MTA3: variants seen among roughly 807,000 people sequenced by gnomAD.
The protein encoded by MTA3 is metastasis-associated protein MTA3.
Under a neutral mutation model 83.5 loss-of-function variants are expected in MTA3, and 34 were observed. The observed-to-expected ratio is 0.41, with a 90% CI of 0.31 to 0.54. The LOEUF (loss-of-function observed/expected upper bound fraction) is 0.54. Ranked by LOEUF, MTA3 falls within the 20% of genes least tolerant of loss-of-function variation. The pLI, the probability that MTA3 is intolerant of heterozygous loss-of-function variation, is 0.33. For synonymous variants in MTA3, 303 were observed against 252.7 expected (o/e 1.20, Z -1.89); for missense variants, 761 against 726.4 (o/e 1.05, Z -0.55).
At chr2:42,714,552 C>G (rs1666889989) in intron 14 of MTA3, among the ~76,000 whole-genome samples, 1 of 152,078 alleles carries the variant, frequency 6.6e-6, no homozygotes, top group South Asian at 2.1e-4. Context: ...CTCACTGCCC[C>G]CAGTATTTCC....
chr2:42,567,037 G>A (rs951684838), upstream of MTA3, among the ~76,000 whole-genome samples: 1 of 152,216 alleles, frequency 6.6e-6, no homozygotes, highest in Admixed American at 6.5e-5. Flanking sequence ...TATGCAATGT[G>A]TGGAACAGAA....
chr2:42,502,917 G>A lies in MTA3; in HGVS notation c.-141+7663G>A, dbSNP rs574326879. Among the ~76,000 whole-genome samples, 921 of 151,078 alleles carry A rather than the reference G, an allele frequency of 6.1e-3. 8 individuals are homozygous for A. Among genetic ancestry groups the A allele is most frequent in the Non-Finnish European group, 8.7e-3 (589 of 67,850 alleles). On this transcript the variant is annotated intron_variant, in intron 2 of 17. Coordinates refer to the MTA3 transcript ENST00000405592. Reference sequence around the variant, plus strand: ...ACAGAGGTTGCAGTGAGCTGAGATCGCACCACTGCAGTCCAGCCTGGGAGA... The same window carrying A: ...ACAGAGGTTGCAGTGAGCTGAGATCACACCACTGCAGTCCAGCCTGGGAGA...
rs1243139396 is a variant in MTA3, at chr2:42,709,359, C to T, written c.1525+263C>T. 7 of 1,229,232 alleles carry T rather than the reference C, an allele frequency of 5.7e-6. No individual in the cohort carries two copies. In the African/African-American group the frequency reaches 1.1e-4, roughly 19 times the overall value. The allele number at this position is 1,229,232 out of a possible 1,614,324, so 76.1% of individuals were successfully genotyped here. A position where few individuals can be genotyped will look rare whatever the true frequency, so the allele number is the denominator to read the frequency against. ...TAGCAAAAGATTGGTGGGAGGTGAT[C>T]CTATTCCATGGGGTTTTGTGATGGA... On this transcript the variant is annotated intron_variant, in intron 14 of 16. Coordinates refer to ENST00000405094, the MANE Select transcript of MTA3 (RefSeq NM_001330442.2).
chr2:42,514,682 C>CTTTTTTTTTTTTTTTTTTTTTTTTTTT (rs767598363), intron 2 of MTA3, among the ~76,000 whole-genome samples: 4 of 53,492 alleles, frequency 7.5e-5, no homozygotes, highest in Non-Finnish European at 9.2e-5. Flanking sequence ...CGCCCAGCCC[C>CTTTTTTTTTTTTTTTTTTTTTTTTTTT]TTTTTTTTTT....
chr2:42,583,931 C>T (rs1043665839), intron 3 of MTA3, among the ~76,000 whole-genome samples: 3 of 151,844 alleles, frequency 2.0e-5, no homozygotes, highest in Non-Finnish European at 4.4e-5. Context: ...GTAACCTCCA[C>T]CTCCCAGGTT....
At chr2:42,599,568 C>T (rs369079641) in intron 3 of MTA3, among the ~76,000 whole-genome samples, 7 of 151,520 alleles carry the variant, frequency 4.6e-5, no homozygotes, top group East Asian at 3.9e-4. Context: ...CCAGCCCGGG[C>T]GACAGTGTGA....
chr2:42,650,411 A>G (rs1573474176), intron 6 of MTA3, among the ~76,000 whole-genome samples: 1 of 152,008 alleles, frequency 6.6e-6, no homozygotes, highest in African/African-American at 2.4e-5. Context: ...ATTTCTGTAC[A>G]TTTGATTGTG....
At chr2:42,508,639 T>G (rs902449966) in intron 2 of MTA3, among the ~76,000 whole-genome samples, 3 of 151,650 alleles carry the variant, frequency 2.0e-5, no homozygotes, top group Non-Finnish European at 4.4e-5. Context: ...AGCCTAGACT[T>G]TGAATGATTA....
intron 15 of MTA3, among the ~76,000 whole-genome samples, chr2:42,722,277 T>A (rs1042228102): frequency 2.0e-5 from 3 of 152,236 alleles, no homozygotes; most frequent in African/African-American, 4.8e-5. Context: ...AACATGCATA[T>A]ACCACAGGCA....
chr2:42,697,649 G>GA, intron 10 of MTA3, 127 bp from the exon 11 acceptor site: 1 of 652,556 alleles, frequency 1.5e-6, no homozygotes, highest in Non-Finnish European at 2.6e-6. Flanking sequence ...GCATATGAAA[G>GA]AAAAGCTTAA....
intron 2 of MTA3, among the ~76,000 whole-genome samples, chr2:42,574,837 G>C (rs1678872955): frequency 6.6e-6 from 1 of 152,180 alleles, no homozygotes; most frequent in South Asian, 2.1e-4. Context: ...GGGATTACAG[G>C]CTGACTGCCT....
rs368881315 is a variant in MTA3 at position 42,609,484 on chromosome 2, A to G, written c.217A>G (p.Thr73Ala). ...AGAAATTGAGGAAGAATCTGAAACA[A>G]CAGTTGAGGCTGACTTGACCGATAA... ...AKEIEEESET[T>A]VEADLTDKQK... The change falls in exon 4 of 17, where the codon ACA becomes GCA. Residue 73 changes from threonine (T) to alanine (A), a missense_variant. Coordinates refer to ENST00000405094, the MANE Select transcript of MTA3 (RefSeq NM_001330442.2). The G allele has an allele frequency of 1.4e-5, 23 of 1,613,888 alleles. No individual in the cohort carries two copies. Among genetic ancestry groups the G allele is most frequent in the South Asian group, 3.3e-5 (3 of 91,078 alleles).
intron 6 of MTA3, among the ~76,000 whole-genome samples, chr2:42,647,155 T>TAAAAAAAAAAACAA (rs1553373421): frequency 1.1e-5 from 1 of 92,076 alleles, no homozygotes; most frequent in South Asian, 4.6e-4. Flanking sequence ...AGACTCTGTC[T>TAAAAAAAAAAACAA]AAAAAAAAAA....
At chr2:42,709,427 T>TAAA in intron 14 of MTA3, 2 of 511,930 alleles carry the variant, frequency 3.9e-6, no homozygotes, top group Non-Finnish European at 5.8e-6. Context: ...ACCTTTTAGG[T>TAAA]AGTGCCACAA....
chr2:42,505,748 C>T (rs576185917), intron 2 of MTA3, among the ~76,000 whole-genome samples: 4 of 150,196 alleles, frequency 2.7e-5, no homozygotes, highest in Admixed American at 6.7e-5. Flanking sequence ...ATAGATGAAA[C>T]GAGATGGGCC....
intron 16 of MTA3, among the ~76,000 whole-genome samples, chr2:42,741,243 A>G (rs1669005488): frequency 6.6e-6 from 1 of 152,194 alleles, no homozygotes; most frequent in African/African-American, 2.4e-5. Flanking sequence ...GCTCTGGATT[A>G]GGCTTTGGGT....
chr2:42,682,851 TCA>T, intron 9 of MTA3: 1 of 381,152 alleles, frequency 2.6e-6, no homozygotes, highest in Non-Finnish European at 4.9e-6. Context: ...GGTGGGTGAA[TCA>T]CAAGGTCAGG....
chr2:42,656,913 T>C (rs1689220508), intron 7 of MTA3, among the ~76,000 whole-genome samples: 1 of 152,216 alleles, frequency 6.6e-6, no homozygotes, highest in Non-Finnish European at 1.5e-5. Context: ...TTGAATGAAT[T>C]AAAGCTATAT....
At chr2:42,637,272 G>A (rs1433263074) in intron 4 of MTA3, among the ~76,000 whole-genome samples, 1 of 152,204 alleles carries the variant, frequency 6.6e-6, no homozygotes, top group African/African-American at 2.4e-5. Context: ...TGGGCCTGGA[G>A]TGATCTTTGT....
Sources: gnomAD v4.1 joint callset for allele counts (sites outside exome capture counted in the v4.1 genomes callset) on GRCh38, gnomAD v4.1.1 for gene constraint, MANE v1.5 for transcripts, NCBI Gene and HGNC (gene_info 2026-07-23, HGNC 2026-07-21) for gene names.